The following CAV1 variants were observed in gnomAD, a reference collection of about 807,000 sequenced individuals.
CAV1 encodes the protein caveolin 1.
Under a neutral mutation model 16.5 loss-of-function variants are expected in CAV1, and 10 were observed. The ratio of observed to expected loss-of-function variants is 0.61; its 90% CI spans 0.37 to 1.03. CAV1 has a LOEUF of 1.03. Ranked by LOEUF, CAV1 falls within the 50% of genes least tolerant of loss-of-function variation. The probability of loss-of-function intolerance (pLI) is 0.01; values close to 1 mark genes in which losing one functional copy is unlikely to be tolerated. For missense variants in CAV1, 212 were observed against 232.8 expected (o/e 0.91, Z 0.58); for synonymous variants, 76 against 85.1 (o/e 0.89, Z 0.59).
intron 2 of CAV1, among the ~76,000 whole-genome samples, chr7:116,530,995 G>C (rs1793677394): frequency 6.6e-6 from 1 of 152,224 alleles, no homozygotes; most frequent in Non-Finnish European, 1.5e-5. Flanking sequence ...TGAAGACAAT[G>C]CGAAGTGGCA....
intron 2 of CAV1, among the ~76,000 whole-genome samples, chr7:116,549,925 AC>A (rs1410795512): frequency 1.3e-5 from 2 of 152,204 alleles, no homozygotes; most frequent in Non-Finnish European, 2.9e-5. Flanking sequence ...TTTAGTCACT[AC>A]AAGTGACCTT....
intron 2 of CAV1, among the ~76,000 whole-genome samples, chr7:116,545,607 C>T (rs1041546517): frequency 3.9e-5 from 6 of 152,114 alleles, no homozygotes; most frequent in Admixed American, 1.3e-4. Flanking sequence ...TATTAGTAAC[C>T]CTAGTTTAAC....
intron 2 of CAV1, among the ~76,000 whole-genome samples, chr7:116,536,816 A>G (rs1363833478): frequency 6.6e-6 from 1 of 151,820 alleles, no homozygotes; most frequent in Non-Finnish European, 1.5e-5. Flanking sequence ...ATCCTGGCTA[A>G]CAAGGTGAAA....
intron 2 of CAV1, among the ~76,000 whole-genome samples, chr7:116,529,958 T>C (rs540340235): frequency 3.9e-5 from 6 of 152,340 alleles, no homozygotes; most frequent in Admixed American, 3.9e-4. Context: ...ATTTTGATTT[T>C]CTAGATAAAT....
At position 116,559,512 on chromosome 7, in the gene CAV1, C is replaced by T. The variant is rs1477274522; in HGVS notation, c.*225C>T. On this transcript the variant is annotated 3_prime_UTR_variant, in exon 3 of 3. Transcript: ENST00000341049. ...TTTTAAAACCCATTTAAATTTTTTTCCTTACCTTTTTATTTGCATGTGGAT... is the reference window on the plus strand; with the variant it reads ...TTTTAAAACCCATTTAAATTTTTTTTCTTACCTTTTTATTTGCATGTGGAT... 3 of 600,938 alleles carry T rather than the reference C, an allele frequency of 5.0e-6. No individual in the cohort carries two copies. The East Asian group carries it at 8.3e-5, about 17-fold the overall frequency. The allele number at this position is 600,938 out of a possible 1,614,324, so 37.2% of individuals were successfully genotyped here.
chr7:116,525,111 G>A lies in CAV1; in HGVS notation c.30+19G>A, dbSNP rs199648364. The A allele has an allele frequency of 2.4e-4, 391 of 1,614,082 alleles. No individual in the cohort carries two copies. The highest frequency in any genetic ancestry group is 3.0e-4 in the Non-Finnish European group (355 of 1,180,032). ...CTCGGAGGTAGGCATCCGTGGGGGG[G>A]CGCCGGCTCGGGCGTGCGGGGAGTG... On this transcript the variant is annotated intron_variant, in intron 1 of 2. Transcript: ENST00000341049.
intron 2 of CAV1, among the ~76,000 whole-genome samples, chr7:116,545,465 G>GT (rs1794027033): frequency 6.6e-6 from 1 of 152,184 alleles, no homozygotes; most frequent in African/African-American, 2.4e-5. Flanking sequence ...ACCCTAGTGT[G>GT]TATCTTTTTC....
chr7:116,555,184 T>A, intron 2 of CAV1, among the ~76,000 whole-genome samples: 1 of 152,094 alleles, frequency 6.6e-6, no homozygotes, highest in Non-Finnish European at 1.5e-5. Context: ...AGCTCACGTC[T>A]GTAATCCCAA....
chr7:116,526,002 A>G, intron 1 of CAV1: 1 of 244,706 alleles, frequency 4.1e-6, no homozygotes, highest in Non-Finnish European at 6.6e-6. Context: ...GGAACATTCC[A>G]CGGGTCGGGC....
intron 2 of CAV1, among the ~76,000 whole-genome samples, chr7:116,530,943 A>G (rs1647417670): frequency 6.6e-6 from 1 of 152,228 alleles, no homozygotes; most frequent in African/African-American, 2.4e-5. Flanking sequence ...AGTTGAGCAG[A>G]AAAGAGTTCA....
At chr7:116,545,421 G>A (rs1390425264) in intron 2 of CAV1, among the ~76,000 whole-genome samples, 1 of 152,130 alleles carries the variant, frequency 6.6e-6, no homozygotes, top group Non-Finnish European at 1.5e-5. Flanking sequence ...TCTGTATAAT[G>A]GGCTGTAATT....
At chr7:116,530,760 T>C (rs1028193507) in intron 2 of CAV1, among the ~76,000 whole-genome samples, 2 of 149,242 alleles carry the variant, frequency 1.3e-5, no homozygotes, top group Non-Finnish European at 3.0e-5. Context: ...GTGAAAAGAC[T>C]GATCATAGTA....
chr7:116,546,697 C>CAAAAAAAAAAAAAAAAAAAAAAAAAAA (rs5886830), intron 2 of CAV1, among the ~76,000 whole-genome samples: 37 of 88,378 alleles, frequency 4.2e-4, no homozygotes, highest in South Asian at 7.5e-4. Flanking sequence ...GACTCTGTCA[C>CAAAAAAAAAAAAAAAAAAAAAAAAAAA]AAAAAAAAAA....
At chr7:116,555,668 AAGAGAG>A (rs756619607) in intron 2 of CAV1, among the ~76,000 whole-genome samples, 1 of 146,592 alleles carries the variant, frequency 6.8e-6, no homozygotes, top group Non-Finnish European at 1.5e-5. Flanking sequence ...GGAAGGAAGG[AAGAGAG>A]AGAGAGAGAG....
rs759401731 is a variant in CAV1, at chr7:116,560,568, A to C, written c.*1281A>C. On this transcript the variant is annotated 3_prime_UTR_variant, in exon 3 of 3. Transcript: ENST00000341049. ...GAAAGAAGATGGGGGAGGAGGCAGT[A>C]ATAAAAAGATTGAAGTATTTTGCTG... The C allele has an allele frequency of 6.6e-6, 1 of 152,274 alleles. No homozygotes were observed. Among genetic ancestry groups the C allele is most frequent in the African/African-American group, 2.4e-5 (1 of 41,458 alleles). 9.4% of individuals were successfully genotyped at this position (152,274 alleles called of 1,614,324 possible).
intron 2 of CAV1, among the ~76,000 whole-genome samples, chr7:116,536,665 T>A (rs529808532): frequency 6.6e-6 from 1 of 152,152 alleles, no homozygotes; most frequent in Non-Finnish European, 1.5e-5. Context: ...GGCATTTGTC[T>A]CTTTGTAGGC....
intron 2 of CAV1, 58 bp downstream of exon 2, chr7:116,526,747 C>T (rs368040059): frequency 1.9e-6 from 3 of 1,600,296 alleles, no homozygotes; most frequent in East Asian, 2.2e-5. Context: ...GCAGTTAGCC[C>T]GTGCATCCTT....
At chr7:116,534,387 A>ATTTTTT (rs1196588254) in intron 2 of CAV1, among the ~76,000 whole-genome samples, 1 of 9,250 alleles carries the variant, frequency 1.1e-4, no homozygotes. Context: ...ATATATATAT[A>ATTTTTT]TATATATATT....
At chr7:116,546,813 G>A (rs1794060912) in intron 2 of CAV1, among the ~76,000 whole-genome samples, 2 of 151,962 alleles carry the variant, frequency 1.3e-5, no homozygotes, top group Non-Finnish European at 1.5e-5. Flanking sequence ...CATTTTCTAG[G>A]GCTTCCCTAA....
Sources: gnomAD v4.1 joint callset for allele counts (sites outside exome capture counted in the v4.1 genomes callset) on GRCh38, gnomAD v4.1.1 for gene constraint, MANE v1.5 for transcripts, NCBI Gene and HGNC (gene_info 2026-07-23, HGNC 2026-07-21) for gene names.